AGTPBP1: variants seen among roughly 807,000 people sequenced by gnomAD.
AGTPBP1 encodes the protein ATP/GTP binding carboxypeptidase 1, also known as cytosolic carboxypeptidase 1.
AGTPBP1 carries 70 observed loss-of-function variants against 143.9 expected under a neutral mutation model. That is an observed-to-expected ratio of 0.49 (90% CI 0.40 to 0.59). The LOEUF is 0.59. Among genes scored for constraint, AGTPBP1 ranks in the 20% least tolerant of loss-of-function variants. The pLI is 0.00. For missense variants in AGTPBP1, 1,229 were observed against 1,464.5 expected (o/e 0.84, Z 2.62); for synonymous variants, 463 against 500.2 (o/e 0.93, Z 0.99).
chr9:85,790,711 A>G, the AGTPBP1 span, among the ~76,000 whole-genome samples: 1 of 152,136 alleles, frequency 6.6e-6, no homozygotes, highest in African/African-American at 2.4e-5. Flanking sequence ...TTTGAACCCA[A>G]ATATATTGAA....
intron 25 of AGTPBP1, among the ~76,000 whole-genome samples, chr9:85,561,277 G>A (rs1564010162): frequency 6.6e-6 from 1 of 151,504 alleles, no homozygotes; most frequent in Non-Finnish European, 1.5e-5. Flanking sequence ...CAGGAGAATC[G>A]CTTGAACCTG....
chr9:85,681,150 T>C (rs947683622), intron 4 of AGTPBP1, 118 bp downstream of exon 4: 2 of 850,828 alleles, frequency 2.4e-6, no homozygotes, highest in African/African-American at 3.4e-5. Context: ...TACGTGTGTG[T>C]GTATATATGT....
chr9:85,674,783 G>T (rs551025735), intron 6 of AGTPBP1, among the ~76,000 whole-genome samples: 1 of 152,076 alleles, frequency 6.6e-6, no homozygotes, highest in Non-Finnish European at 1.5e-5. Context: ...CTAGAAATAC[G>T]TATGTTAATA....
the AGTPBP1 span, among the ~76,000 whole-genome samples, chr9:85,773,501 T>G: frequency 6.6e-6 from 1 of 150,902 alleles, no homozygotes; most frequent in Non-Finnish European, 1.5e-5. Flanking sequence ...ACCCAGCTAA[T>G]TTTATATATA....
At chr9:85,803,378 C>T in the AGTPBP1 span, among the ~76,000 whole-genome samples, 4 of 152,236 alleles carry the variant, frequency 2.6e-5, no homozygotes, top group African/African-American at 9.6e-5. Flanking sequence ...GATGATTCTG[C>T]ATTACCCTAT....
intron 19 of AGTPBP1, among the ~76,000 whole-genome samples, chr9:85,591,367 T>C (rs886291032): frequency 6.6e-5 from 10 of 151,962 alleles, no homozygotes; most frequent in Non-Finnish European, 1.3e-4. Context: ...CGGGAACTAA[T>C]GAAGAGCAAA....
At chr9:85,549,448 C>T (rs933971766) in intron 25 of AGTPBP1, among the ~76,000 whole-genome samples, 2 of 152,208 alleles carry the variant, frequency 1.3e-5, no homozygotes, top group African/African-American at 2.4e-5. Flanking sequence ...TGAAAACAAA[C>T]TTGGCATAAG....
intron 2 of AGTPBP1, among the ~76,000 whole-genome samples, chr9:85,695,806 CTG>C (rs1382934067): frequency 6.6e-6 from 1 of 151,876 alleles, no homozygotes; most frequent in East Asian, 1.9e-4. Context: ...ATTATTCAGA[CTG>C]GGATATTTTG....
the AGTPBP1 span, among the ~76,000 whole-genome samples, chr9:85,793,981 T>C: frequency 6.6e-6 from 1 of 152,160 alleles, no homozygotes; most frequent in African/African-American, 2.4e-5. Context: ...CTATCAACCT[T>C]TATATTTTTG....
intron 23 of AGTPBP1, among the ~76,000 whole-genome samples, chr9:85,583,077 A>C (rs1426344697): frequency 6.6e-6 from 1 of 152,148 alleles, no homozygotes. Flanking sequence ...GTCAGATTTG[A>C]TTCCTGGCTG....
chr9:85,669,794 TGC>T, intron 7 of AGTPBP1, among the ~76,000 whole-genome samples: 1 of 102,510 alleles, frequency 9.8e-6, no homozygotes, highest in African/African-American at 5.2e-5. Context: ...ACGAGTTATA[TGC>T]AAAAAAAAAA....
At chr9:85,762,669 T>C in the AGTPBP1 span, among the ~76,000 whole-genome samples, 1 of 151,282 alleles carries the variant, frequency 6.6e-6, no homozygotes, top group Non-Finnish European at 1.5e-5. Context: ...ATACCTAATG[T>C]AAATGACGAG....
chr9:85,777,581 T>G, the AGTPBP1 span, among the ~76,000 whole-genome samples: 5 of 152,212 alleles, frequency 3.3e-5, no homozygotes, highest in Admixed American at 6.5e-5. Flanking sequence ...ATCCACAGAA[T>G]GGGTTATCAT....
the AGTPBP1 span, among the ~76,000 whole-genome samples, chr9:85,762,642 C>T: frequency 6.7e-6 from 1 of 150,282 alleles, no homozygotes; most frequent in African/African-American, 2.5e-5. Flanking sequence ...GAGGGGGCAG[C>T]GATAGCATTA....
intron 8 of AGTPBP1, among the ~76,000 whole-genome samples, chr9:85,669,017 ACACACACACACACACACACACATCT>A (rs1834319316): frequency 9.2e-6 from 1 of 108,808 alleles, no homozygotes; most frequent in South Asian, 2.9e-4. Flanking sequence ...GTATACATAC[ACACACACACACACACACACACATCT>A]CAGGATGGGG....
chr9:85,804,031 CTCA>C, the AGTPBP1 span, among the ~76,000 whole-genome samples: 1 of 152,100 alleles, frequency 6.6e-6, no homozygotes, highest in African/African-American at 2.4e-5. Context: ...TTAGGTCAGA[CTCA>C]TCATTACCTT....
chr9:85,624,764 C>T (rs544779089), intron 14 of AGTPBP1, among the ~76,000 whole-genome samples: 2 of 152,302 alleles, frequency 1.3e-5, no homozygotes, highest in African/African-American at 4.8e-5. Flanking sequence ...AAAAGTCTCA[C>T]TTATTAACAC....
intron 23 of AGTPBP1, among the ~76,000 whole-genome samples, chr9:85,583,738 A>T (rs1478444248): frequency 2.0e-5 from 3 of 152,134 alleles, no homozygotes; most frequent in African/African-American, 7.2e-5. Flanking sequence ...CCCACCTAAC[A>T]ACAAATATTT....
rs1838360738 is a variant in AGTPBP1, at chr9:85,724,729, C to T, written c.-33-12163G>A. Among the ~76,000 whole-genome samples, 6 of 152,276 alleles carry T rather than the reference C, an allele frequency of 3.9e-5. No homozygotes were observed. In the South Asian group the frequency reaches 1.0e-3, roughly 26 times the overall value. ...ACAACTAATTTAACAATGTGTTATG[C>T]CTATTATCTATCTCTTTCCACTGGA... is the stretch of plus-strand genomic sequence containing the variant. On this transcript the variant is annotated intron_variant, in intron 1 of 25. Transcript: ENST00000357081.
Sources: allele counts gnomAD v4.1 joint callset (sites outside exome capture counted in the v4.1 genomes callset), GRCh38; gene constraint gnomAD v4.1.1; transcripts MANE v1.5; gene names NCBI Gene and HGNC (gene_info 2026-07-23, HGNC 2026-07-21).